Variants in NRG3 observed in about 807,000 individuals in gnomAD.
NRG3 encodes pro-neuregulin-3, membrane-bound isoform.
Under a neutral mutation model 66.9 loss-of-function variants are expected in NRG3, and 31 were observed. The ratio of observed to expected loss-of-function variants is 0.46; its 90% CI spans 0.35 to 0.63. The LOEUF (loss-of-function observed/expected upper bound fraction) is 0.63, where lower values mean the gene tolerates loss of function less well. NRG3 is among the 20% of genes least tolerant of loss of function. The pLI is 0.00. For missense variants in NRG3, 910 were observed against 878.9 expected (o/e 1.04, Z -0.45); for synonymous variants, 393 against 359.4 (o/e 1.09, Z -1.06).
In NRG3 at chr10:81,931,016, C is replaced by T. The variant is rs184141204; in HGVS notation, c.823+54853C>T. Among the ~76,000 whole-genome samples the T allele has an allele frequency of 3.9e-3, 590 of 152,178 alleles. 5 individuals are homozygous for T. The highest frequency in any genetic ancestry group is 0.013 in the African/African-American group (559 of 41,502). On this transcript the variant is annotated intron_variant, in intron 1 of 8. Coordinates refer to ENST00000372141, the MANE Select transcript of NRG3 (RefSeq NM_001010848.4). ...TCAAGCTGGTTAAACTTCTATAGTC[C>T]CTGGAGACCCTCCCTGTCTGCTTAC...
In NRG3 at chr10:82,917,796, G is replaced by T. The variant is rs562120291; in HGVS notation, c.1055-33673G>T. Among the ~76,000 whole-genome samples the T allele has an allele frequency of 2.0e-5, 3 of 152,068 alleles. No homozygotes were observed. The East Asian group carries it at 5.8e-4, about 29-fold the overall frequency. ...AACTCAAAGTAAAATTCAGAAAATG[G>T]TGTTGTCTTGGACTGAATTTAACAG... On this transcript the variant is annotated intron_variant, in intron 4 of 8. Coordinates refer to ENST00000372141, the MANE Select transcript of NRG3 (RefSeq NM_001010848.4).
At chr10:82,092,963 A>G (rs1180240219) in intron 1 of NRG3, among the ~76,000 whole-genome samples, 1 of 152,170 alleles carries the variant, frequency 6.6e-6, no homozygotes, top group Non-Finnish European at 1.5e-5. Flanking sequence ...TCCATGTGCA[A>G]TGAAGGCCCA....
At chr10:82,459,203 C>T (rs928015853) in intron 2 of NRG3, among the ~76,000 whole-genome samples, 2 of 152,206 alleles carry the variant, frequency 1.3e-5, no homozygotes, top group East Asian at 1.9e-4. Flanking sequence ...TTCCATCACC[C>T]TGTTTGGTTC....
chr10:82,176,381 A>G (rs1316673169), intron 1 of NRG3, among the ~76,000 whole-genome samples: 2 of 152,138 alleles, frequency 1.3e-5, no homozygotes, highest in Admixed American at 1.3e-4. Context: ...TTCTGACTGA[A>G]GTGATTGGCA....
At chr10:82,062,920 C>T (rs12415889) in intron 1 of NRG3, among the ~76,000 whole-genome samples, 7,223 of 152,222 alleles carry the variant, frequency 0.047, 279 homozygotes, top group East Asian at 0.15. Flanking sequence ...TGGCCATTTG[C>T]AGCTCCCTCA....
intron 4 of NRG3, among the ~76,000 whole-genome samples, chr10:82,941,995 T>TTGTGTGTGTG (rs3075660): frequency 3.4e-5 from 5 of 148,364 alleles, no homozygotes; most frequent in African/African-American, 1.2e-4. Context: ...ACATATAGGT[T>TTGTGTGTGTG]TGTGTGTGTG....
At chr10:82,963,291 T>C (rs1485660058) in intron 6 of NRG3, among the ~76,000 whole-genome samples, 2 of 152,180 alleles carry the variant, frequency 1.3e-5, no homozygotes, top group Non-Finnish European at 2.9e-5. Context: ...CCTGAGAGCA[T>C]AGACTTAATG....
intron 2 of NRG3, among the ~76,000 whole-genome samples, chr10:82,635,260 G>C (rs557998525): frequency 6.6e-6 from 1 of 152,144 alleles, no homozygotes; most frequent in East Asian, 1.9e-4. Context: ...TCATTCTGCA[G>C]GCATCAGAAC....
chr10:82,531,664 A>C (rs1321860739), intron 2 of NRG3, among the ~76,000 whole-genome samples: 2 of 151,714 alleles, frequency 1.3e-5, no homozygotes, highest in Non-Finnish European at 3.0e-5. Flanking sequence ...ATAATGACAG[A>C]GTGTTCTGTG....
intron 1 of NRG3, among the ~76,000 whole-genome samples, chr10:82,144,276 A>C (rs1401178037): frequency 1.3e-5 from 2 of 152,160 alleles, no homozygotes; most frequent in Non-Finnish European, 2.9e-5. Context: ...GTTCCACATC[A>C]TGTTTCTCCC....
chr10:82,820,630 C>T (rs1488593093), intron 3 of NRG3, among the ~76,000 whole-genome samples: 1 of 152,192 alleles, frequency 6.6e-6, no homozygotes, highest in Non-Finnish European at 1.5e-5. Context: ...CCCTTTAAAA[C>T]TTCCGAATTA....
intron 3 of NRG3, among the ~76,000 whole-genome samples, chr10:82,853,392 AT>A (rs1396919704): frequency 1.3e-5 from 2 of 152,114 alleles, no homozygotes; most frequent in Non-Finnish European, 2.9e-5. Context: ...CAGCATGGTC[AT>A]TTTCACAATA....
chr10:82,697,979 G>A (rs762525337), intron 2 of NRG3, among the ~76,000 whole-genome samples: 1 of 152,078 alleles, frequency 6.6e-6, no homozygotes, highest in Non-Finnish European at 1.5e-5. Context: ...GAGAGGGTTG[G>A]CAAGAAAAGT....
intron 2 of NRG3, among the ~76,000 whole-genome samples, chr10:82,599,040 A>T (rs1242817201): frequency 6.6e-6 from 1 of 152,020 alleles, no homozygotes; most frequent in East Asian, 1.9e-4. Flanking sequence ...ACAAAGGGAG[A>T]CTCCATCTCA....
At chr10:81,976,643 A>G (rs1289657514) in intron 1 of NRG3, among the ~76,000 whole-genome samples, 1 of 152,214 alleles carries the variant, frequency 6.6e-6, no homozygotes. Context: ...TTAGTGCAGA[A>G]TAAAATAGAG....
intron 1 of NRG3, among the ~76,000 whole-genome samples, chr10:81,885,919 A>T (rs1416594437): frequency 6.6e-6 from 1 of 152,160 alleles, no homozygotes; most frequent in East Asian, 1.9e-4. Flanking sequence ...TGGGCTGTAG[A>T]AATGTTTATA....
chr10:82,259,931 C>A (rs1447373506), intron 1 of NRG3, among the ~76,000 whole-genome samples: 3 of 131,272 alleles, frequency 2.3e-5, no homozygotes, highest in African/African-American at 9.8e-5. Context: ...GACCTTGTCT[C>A]TATTAAAAAA....
At chr10:82,275,985 G>A (rs921646704) in intron 1 of NRG3, among the ~76,000 whole-genome samples, 1 of 151,934 alleles carries the variant, frequency 6.6e-6, no homozygotes, top group African/African-American at 2.4e-5. Flanking sequence ...GTCAGTAACT[G>A]AAGGAAGGAG....
In NRG3 at chr10:81,931,896, T is replaced by G. The variant is rs181538134; in HGVS notation, c.823+55733T>G. On this transcript the variant is annotated intron_variant, in intron 1 of 8. Coordinates refer to ENST00000372141, the MANE Select transcript of NRG3 (RefSeq NM_001010848.4). ...GAGATTATGACTAAAAACAATGCCA[T>G]TACATCTCCCATTAAAAAGAGTCTG... Among the ~76,000 whole-genome samples the G allele has an allele frequency of 6.2e-3, 940 of 152,294 alleles. 3 individuals are homozygous for G. Among genetic ancestry groups the G allele is most frequent in the African/African-American group, 0.012 (492 of 41,574 alleles).
Sources: allele counts gnomAD v4.1 joint callset (sites outside exome capture counted in the v4.1 genomes callset), GRCh38; gene constraint gnomAD v4.1.1; transcripts MANE v1.5; gene names NCBI Gene and HGNC (gene_info 2026-07-23, HGNC 2026-07-21).